KCNG3: variants seen among roughly 807,000 people sequenced by gnomAD.
KCNG3 encodes the protein potassium voltage-gated channel modifier subfamily G member 3, also known as voltage-gated potassium channel regulatory subunit KCNG3.
Under a neutral mutation model 29.0 loss-of-function variants are expected in KCNG3, and 15 were observed. The ratio of observed to expected loss-of-function variants is 0.52; its 90% CI spans 0.35 to 0.80. KCNG3 has a LOEUF of 0.80. Ranked by LOEUF, KCNG3 falls within the 30% of genes least tolerant of loss-of-function variation. KCNG3 has a pLI of 0.01. For synonymous variants in KCNG3, 322 were observed against 248.9 expected (o/e 1.29, Z -2.76); for missense variants, 512 against 605.7 (o/e 0.85, Z 1.62).
chr2:42,396,351 T>C, the KCNG3 span, among the ~76,000 whole-genome samples: 1 of 152,246 alleles, frequency 6.6e-6, no homozygotes, highest in Admixed American at 6.5e-5. Context: ...GCATCAGATA[T>C]GCCAAAATGT....
intron 1 of KCNG3, among the ~76,000 whole-genome samples, chr2:42,462,066 A>T (rs1182230450): frequency 2.0e-5 from 3 of 152,180 alleles, no homozygotes; most frequent in African/African-American, 7.2e-5. Context: ...AAAATGAAAG[A>T]CTCTAAAATG....
intron 1 of KCNG3, among the ~76,000 whole-genome samples, chr2:42,460,685 TAACAA>T (rs1303743248): frequency 4.6e-5 from 7 of 152,072 alleles, no homozygotes; most frequent in African/African-American, 1.7e-4. Context: ...TTTAAAAAGT[TAACAA>T]AACAAAACAC....
chr2:42,463,060 G>A (rs1375040785), intron 1 of KCNG3: 1 of 168,810 alleles, frequency 5.9e-6, no homozygotes, highest in African/African-American at 2.4e-5. Context: ...TCAAATATAT[G>A]TTAAAAGATA....
intron 1 of KCNG3, among the ~76,000 whole-genome samples, chr2:42,472,640 A>G (rs868230333): frequency 1.2e-4 from 18 of 151,680 alleles, no homozygotes; most frequent in African/African-American, 4.1e-4. Flanking sequence ...CTGGGACTAC[A>G]GGCATATGCC....
At chr2:42,479,870 G>A (rs1673539093) in intron 1 of KCNG3, among the ~76,000 whole-genome samples, 1 of 152,066 alleles carries the variant, frequency 6.6e-6, no homozygotes, top group South Asian at 2.1e-4. Flanking sequence ...AAATTAGCCA[G>A]GCGTGTTGGT....
intron 1 of KCNG3, among the ~76,000 whole-genome samples, chr2:42,471,885 CAAAAAAA>C (rs59566876): frequency 1.6e-4 from 10 of 63,938 alleles, no homozygotes; most frequent in African/African-American, 4.2e-4. Flanking sequence ...CCCTGTATCT[CAAAAAAA>C]AAAAAAAAAA....
At chr2:42,394,118 A>G in the KCNG3 span, among the ~76,000 whole-genome samples, 4 of 152,140 alleles carry the variant, frequency 2.6e-5, no homozygotes, top group Admixed American at 6.5e-5. Flanking sequence ...GGATTCTGAC[A>G]TAACACTTCT....
At position 42,443,920 on chromosome 2, in the gene KCNG3, T is replaced by A. The variant is rs1378528817; in HGVS notation, c.*14A>T. ...CTTTCTATGAAGTGTATGCAAGAATTGATTTGCAATGCATTAATTCAGGAA... is the reference window on the plus strand; with the variant it reads ...CTTTCTATGAAGTGTATGCAAGAATAGATTTGCAATGCATTAATTCAGGAA... On this transcript the variant is annotated 3_prime_UTR_variant, in exon 2 of 2. Coordinates refer to ENST00000306078, the MANE Select transcript of KCNG3 (RefSeq NM_133329.6). 6.3e-7 allele frequency: 1 copy of A among 1,588,836 alleles called. No individual in the cohort carries two copies.
the KCNG3 span, among the ~76,000 whole-genome samples, chr2:42,393,365 A>T: frequency 2.0e-5 from 3 of 152,108 alleles, no homozygotes; most frequent in Admixed American, 1.3e-4. Context: ...GTTTGAGACC[A>T]GCCTGGCCAA....
intron 1 of KCNG3, among the ~76,000 whole-genome samples, chr2:42,452,244 T>TATATATATATATATATATATATATA (rs1491559721): frequency 1.8e-5 from 1 of 57,042 alleles, no homozygotes; most frequent in African/African-American, 7.8e-5. Context: ...TATATATATA[T>TATATATATATATATATATATATATA]TTTTTTTTTT....
intron 1 of KCNG3, among the ~76,000 whole-genome samples, chr2:42,461,194 A>AC (rs1161000043): frequency 1.3e-5 from 2 of 150,972 alleles, no homozygotes; most frequent in Non-Finnish European, 3.0e-5. Flanking sequence ...AAAAAAAAAA[A>AC]AAAAAAAAAA....
the KCNG3 span, among the ~76,000 whole-genome samples, chr2:42,401,168 GTATACA>G: frequency 6.7e-6 from 1 of 148,500 alleles, no homozygotes; most frequent in Non-Finnish European, 1.5e-5. Context: ...TTCCTCTGGT[GTATACA>G]TGTTTATATG....
At chr2:42,419,795 G>T in the KCNG3 span, among the ~76,000 whole-genome samples, 1 of 152,196 alleles carries the variant, frequency 6.6e-6, no homozygotes, top group South Asian at 2.1e-4. Flanking sequence ...CAGCAATGAG[G>T]AGACAACAGG....
chr2:42,422,254 C>T, the KCNG3 span, among the ~76,000 whole-genome samples: 1 of 152,146 alleles, frequency 6.6e-6, no homozygotes, highest in Non-Finnish European at 1.5e-5. Context: ...GATCTGCCCT[C>T]ATGCATGGAT....
the KCNG3 span, among the ~76,000 whole-genome samples, chr2:42,430,228 C>T: frequency 2.0e-5 from 3 of 151,290 alleles, no homozygotes; most frequent in East Asian, 3.9e-4. Flanking sequence ...ATTAGCTGAG[C>T]ATCATGGTGC....
chr2:42,399,226 T>C, the KCNG3 span, among the ~76,000 whole-genome samples: 16 of 152,058 alleles, frequency 1.1e-4, no homozygotes, highest in African/African-American at 3.6e-4. Flanking sequence ...CTGGCTAATT[T>C]TTGTGCCTTT....
the KCNG3 span, among the ~76,000 whole-genome samples, chr2:42,431,107 C>CAA: frequency 1.5e-3 from 166 of 113,482 alleles, no homozygotes; most frequent in East Asian, 6.2e-3. Flanking sequence ...ACCCTGTCTC[C>CAA]AAAAAAAAAA....
chr2:42,404,271 ATTCTT>A, the KCNG3 span, among the ~76,000 whole-genome samples: 1 of 150,836 alleles, frequency 6.6e-6, no homozygotes, highest in Non-Finnish European at 1.5e-5. Flanking sequence ...TGTTGATAGT[ATTCTT>A]TTCATCAGTT....
chr2:42,413,350 T>C, the KCNG3 span, among the ~76,000 whole-genome samples: 5 of 152,168 alleles, frequency 3.3e-5, no homozygotes, highest in Non-Finnish European at 7.4e-5. Context: ...AATAGAGGAA[T>C]TTAATAGCAA....
Sources: allele counts gnomAD v4.1 joint callset (sites outside exome capture counted in the v4.1 genomes callset), GRCh38; gene constraint gnomAD v4.1.1; transcripts MANE v1.5; gene names NCBI Gene and HGNC (gene_info 2026-07-23, HGNC 2026-07-21).